Variants in CTIF observed in about 807,000 individuals in gnomAD.
CTIF encodes the protein cap binding complex dependent translation initiation factor, also known as CBP80/20-dependent translation initiation factor.
Under a neutral mutation model 66.0 loss-of-function variants are expected in CTIF, and 21 were observed. The observed-to-expected ratio is 0.32, with a 90% CI of 0.23 to 0.46. The LOEUF (loss-of-function observed/expected upper bound fraction) is 0.46, where lower values mean the gene tolerates loss of function less well. CTIF is among the 20% of genes least tolerant of loss of function. The pLI is 1.00. For missense variants in CTIF, 739 were observed against 812.7 expected (o/e 0.91, Z 1.10); for synonymous variants, 345 against 326.4 (o/e 1.06, Z -0.62).
intron 7 of CTIF, among the ~76,000 whole-genome samples, chr18:48,754,261 A>C (rs1378234853): frequency 6.6e-6 from 1 of 152,214 alleles, no homozygotes; most frequent in African/African-American, 2.4e-5. Context: ...CTAAAGGCGA[A>C]TGGGAGACAG....
chr18:48,692,963 C>T (rs996598663), intron 6 of CTIF, among the ~76,000 whole-genome samples: 3 of 152,182 alleles, frequency 2.0e-5, no homozygotes, highest in Non-Finnish European at 4.4e-5. Context: ...TACCTTGTCT[C>T]GACCTTGATA....
At chr18:48,733,235 C>T (rs1032257677) in intron 7 of CTIF, among the ~76,000 whole-genome samples, 9 of 111,302 alleles carry the variant, frequency 8.1e-5, no homozygotes, top group Non-Finnish European at 1.9e-4. Context: ...GAGGAGGGGC[C>T]GAGAGGGAAG....
chr18:48,599,014 T>C (rs2090039419), intron 1 of CTIF, among the ~76,000 whole-genome samples: 1 of 151,676 alleles, frequency 6.6e-6, no homozygotes, highest in African/African-American at 2.4e-5. Flanking sequence ...ACCTTTGACC[T>C]GAAGACTTTA....
At chr18:48,578,806 T>C (rs899707023) in intron 1 of CTIF, among the ~76,000 whole-genome samples, 12 of 152,268 alleles carry the variant, frequency 7.9e-5, no homozygotes, top group African/African-American at 2.7e-4. Flanking sequence ...TTTTACTTGA[T>C]GATTTGCTTT....
chr18:48,628,277 A>G (rs907050925), intron 2 of CTIF, among the ~76,000 whole-genome samples: 1 of 152,146 alleles, frequency 6.6e-6, no homozygotes, highest in African/African-American at 2.4e-5. Flanking sequence ...TTCGATGCAC[A>G]TTGGTGGTGT....
chr18:48,568,691 C>T (rs988584176), intron 1 of CTIF, among the ~76,000 whole-genome samples: 7 of 130,476 alleles, frequency 5.4e-5, no homozygotes, highest in Middle Eastern at 6.3e-3. Context: ...ACTCACAGTT[C>T]CACATGTCTG....
Position 48,761,352 on chromosome 18 carries a change from T to A in CTIF, c.1072-38T>A. On this transcript the variant is annotated intron_variant, in intron 8 of 11. Coordinates refer to ENST00000256413, the MANE Select transcript of CTIF (RefSeq NM_014772.3). This position sits in a 1 kb window ranked among gnomAD's most constrained non-coding sequence, Gnocchi z 4.2. ...GCCACCCCTGCACAGAGACCTCGGC[T>A]TCACTCAGGCACATTCATTTGTCTC... 6.3e-7 allele frequency: 1 copy of A among 1,596,498 alleles called. No homozygotes were observed. Among genetic ancestry groups the A allele is most frequent in the Non-Finnish European group, 8.6e-7 (1 of 1,169,328 alleles).
intron 7 of CTIF, among the ~76,000 whole-genome samples, chr18:48,726,459 CA>C (rs1157737598): frequency 6.6e-6 from 1 of 152,096 alleles, no homozygotes; most frequent in East Asian, 1.9e-4. Flanking sequence ...AACTGTCAGC[CA>C]GGGGTGTAGG....
intron 1 of CTIF, among the ~76,000 whole-genome samples, chr18:48,610,031 G>A (rs62102936): frequency 0.19 from 28,727 of 151,988 alleles, 2,794 homozygotes; most frequent in South Asian, 0.24. Flanking sequence ...CACTCTGAGG[G>A]AAGGACGGTG....
chr18:48,623,444 G>T (rs142238638), intron 2 of CTIF, among the ~76,000 whole-genome samples: 387 of 152,264 alleles, frequency 2.5e-3, no homozygotes, highest in African/African-American at 8.9e-3. Context: ...CTCTCAGGAA[G>T]GCCAGGGTTA....
At chr18:48,788,504 C>A (rs756009985) in intron 9 of CTIF, among the ~76,000 whole-genome samples, 1 of 147,252 alleles carries the variant, frequency 6.8e-6, no homozygotes, top group African/African-American at 2.5e-5. Context: ...TGTGTTCCTC[C>A]TATCTCCCTG....
chr18:48,696,298 T>G (rs1247736419), intron 6 of CTIF, among the ~76,000 whole-genome samples: 1 of 152,078 alleles, frequency 6.6e-6, no homozygotes, highest in Non-Finnish European at 1.5e-5. Context: ...ACAGCACAAA[T>G]CTAGGGCAGC....
chr18:48,680,822 A>G (rs2091727855), intron 6 of CTIF, among the ~76,000 whole-genome samples: 1 of 152,206 alleles, frequency 6.6e-6, no homozygotes, highest in East Asian at 1.9e-4. Flanking sequence ...GGTGTGAAGC[A>G]TCCATTATTC....
chr18:48,725,279 T>G (rs556088634), intron 7 of CTIF, among the ~76,000 whole-genome samples: 1 of 152,148 alleles, frequency 6.6e-6, no homozygotes, highest in Non-Finnish European at 1.5e-5. Flanking sequence ...GACTGTGCCC[T>G]GATATTCAGG....
At chr18:48,661,261 C>G (rs1426973919) in intron 3 of CTIF, among the ~76,000 whole-genome samples, 1 of 152,192 alleles carries the variant, frequency 6.6e-6, no homozygotes, top group African/African-American at 2.4e-5. Flanking sequence ...GGGTATTTAA[C>G]AGATCAGGGA....
intron 7 of CTIF, among the ~76,000 whole-genome samples, chr18:48,732,902 A>G (rs1420618235): frequency 6.6e-6 from 1 of 152,214 alleles, no homozygotes; most frequent in Admixed American, 6.5e-5. Flanking sequence ...CGCGTTTTCA[A>G]TAGAGGCCGT....
chr18:48,825,022 A>G (rs1348755922), intron 10 of CTIF, among the ~76,000 whole-genome samples: 2 of 151,410 alleles, frequency 1.3e-5, no homozygotes, highest in East Asian at 3.9e-4. Flanking sequence ...TGAACATCCC[A>G]CCTTTCTTCT....
chr18:48,663,216 C>G (rs2091376626), intron 3 of CTIF, among the ~76,000 whole-genome samples: 1 of 152,208 alleles, frequency 6.6e-6, no homozygotes, highest in Non-Finnish European at 1.5e-5. Context: ...ATCATAGAAG[C>G]TGCATTGAGT....
intron 11 of CTIF, among the ~76,000 whole-genome samples, chr18:48,858,962 C>T (rs1379131283): frequency 6.6e-6 from 1 of 152,132 alleles, no homozygotes; most frequent in African/African-American, 2.4e-5. Flanking sequence ...GACCACAGGG[C>T]CCCCTGATCA....
Sources: allele counts gnomAD v4.1 joint callset (sites outside exome capture counted in the v4.1 genomes callset), GRCh38; gene constraint gnomAD v4.1.1; non-coding constraint Gnocchi (gnomAD v3.1); transcripts MANE v1.5; gene names NCBI Gene and HGNC (gene_info 2026-07-23, HGNC 2026-07-21).